The following TSEN54 variants were observed in gnomAD, a reference collection of about 807,000 sequenced individuals.
TSEN54 encodes the protein tRNA-splicing endonuclease subunit Sen54.
In TSEN54, 55 loss-of-function variants were observed where a neutral mutation model predicts 61.9. That is an observed-to-expected ratio of 0.89 (90% CI 0.72 to 1.11). The LOEUF (loss-of-function observed/expected upper bound fraction) is 1.11. Ranked by LOEUF, TSEN54 falls within the 50% of genes most tolerant of loss-of-function variation. The probability of loss-of-function intolerance (pLI) is 0.00; values close to 1 mark genes in which losing one functional copy is unlikely to be tolerated. For missense variants in TSEN54, 760 were observed against 687.7 expected, an observed-to-expected ratio of 1.11 and a Z score of -1.18; for synonymous variants, 304 against 288.7, an observed-to-expected ratio of 1.05 and a Z score of -0.54.
rs766608074 is a variant in TSEN54 at position 75,522,025 on chromosome 17, T to G, written c.944T>G (p.Leu315Arg). 2 of 1,595,592 alleles carry G rather than the reference T, an allele frequency of 1.3e-6. No homozygotes were observed. Among genetic ancestry groups the G allele is most frequent in the Non-Finnish European group, 1.7e-6 (2 of 1,171,932 alleles). Residue 315 changes from leucine (L) to arginine (R), a missense_variant, in exon 8 of 11, where the codon CTG (leucine) becomes CGG (arginine). By Grantham distance (102) the Leu-to-Arg change is moderately radical. Transcript: ENST00000333213. The stretch of plus-strand genomic sequence containing the variant: ...GCTTCAGACAGCCGCCACACCCTTC[T>G]GCGCGCCCCAGCCCCAGAGCTGCTC... ...NMASDSRHTL[L>R]RAPAPELLPA...
intron 9 of TSEN54, 127 bp from the exon 10 acceptor site, chr17:75,523,536 A>C (rs1038588043): frequency 2.5e-6 from 4 of 1,609,092 alleles, no homozygotes; most frequent in Admixed American, 1.7e-5. Context: ...AAGGGTTCAG[A>C]GCCCCCAACC....
rs377197296 is a variant in TSEN54 at position 75,524,311 on chromosome 17, C to T, written c.1480C>T (p.Gln494Ter). The change falls in exon 11 of 11, where the codon CAG becomes TAG. Residue 494 changes from glutamine to a stop codon, truncating the protein, a stop_gained. Transcript: ENST00000333213. LOFTEE classifies it high-confidence loss of function. Reference protein sequence around the residue: ...DLCSLKRLSYQSGDVPLIFAL... With the variant: ...DLCSLKRLSY ...CTGCAGCCTCAAGCGGTTGTCTTAC[C>T]AGAGTGGGGATGTCCCTCTGATCTT... is the stretch of plus-strand genomic sequence containing the variant. 1 of 1,614,198 alleles carries T rather than the reference C, an allele frequency of 6.2e-7. No individual in the cohort carries two copies.
chr17:75,517,104 C>CGCA, intron 3 of TSEN54, 32 bp downstream of exon 3: 4 of 1,443,400 alleles, frequency 2.8e-6, no homozygotes, highest in Middle Eastern at 3.7e-4. Context: ...CGGGGACCGC[C>CGCA]CTCCCTGCCC....
Position 75,516,756 on chromosome 17 carries a change from C to G in TSEN54, c.67C>G (p.Leu23Val). 6.4e-7 allele frequency: 1 copy of G among 1,573,630 alleles called. No individual in the cohort carries two copies. Among genetic ancestry groups the G allele is most frequent in the Non-Finnish European group, 8.6e-7 (1 of 1,168,464 alleles). Residue 23 changes from leucine (L) to valine (V), a missense_variant, in exon 2 of 11, where the codon CTC becomes GTC. Physicochemically the swap from Leu to Val is conservative, Grantham distance 32 (BLOSUM62 1). This residue lies in a region of TSEN54 where 667 missense variants were observed against 577.8 expected (regional missense o/e 1.15). Transcript: ENST00000333213. ...CCCCTTCTCCCCCAGCGCCCGGGAG[C>G]TCTTCGCCGCCCGCTCGCGGTCGCA... ...PAGRVLSARE[L>V]FAARSRSQKL...
intron 8 of TSEN54, chr17:75,522,543 G>T (rs1482671504): frequency 6.9e-6 from 10 of 1,441,600 alleles, no homozygotes; most frequent in Non-Finnish European, 9.1e-6. Flanking sequence ...GAGGTAAGGA[G>T]GGGTGGAAAC....
intron 8 of TSEN54, 41 bp from the exon 9 acceptor site, chr17:75,523,234 T>G (rs376728577): frequency 6.2e-7 from 1 of 1,613,800 alleles, no homozygotes; most frequent in African/African-American, 1.3e-5. Context: ...CTGAGAAATG[T>G]GACTCCCCTC....
chr17:75,523,192 C>G (rs1215271031), intron 8 of TSEN54, 83 bp from the exon 9 acceptor site: 4 of 1,597,588 alleles, frequency 2.5e-6, no homozygotes, highest in African/African-American at 1.3e-5. Context: ...AAAAAAGTTG[C>G]TAAATCTGGC....
rs1471836057 is a variant in TSEN54 at position 75,524,678 on chromosome 17, C to T, written c.*266C>T. The T allele has an allele frequency of 5.3e-6, 3 of 562,984 alleles. No individual in the cohort carries two copies. The highest frequency in any genetic ancestry group is 3.2e-5 in the East Asian group (1 of 31,500). 34.9% of individuals were successfully genotyped at this position (562,984 alleles called of 1,614,324 possible). A position where few individuals can be genotyped will look rare whatever the true frequency, so the allele number is the denominator to read the frequency against. On this transcript the variant is annotated 3_prime_UTR_variant, in exon 11 of 11. Transcript: ENST00000333213. ...AGAAGAGAGGACTGTGTGCCTTTAA[C>T]GAGAGGGTGCCTGCTTCGTGCTATA... is the stretch of plus-strand genomic sequence containing the variant.
At chr17:75,518,841 A>G (rs1169417717) in intron 5 of TSEN54, 154 bp from the exon 6 acceptor site, 1 of 985,244 alleles carries the variant, frequency 1.0e-6, no homozygotes, top group Admixed American at 6.2e-5. Flanking sequence ...TGGTGTTCGT[A>G]ATGAAGCATG....
At chr17:75,517,987 G>C (rs770849822) in intron 5 of TSEN54, among the ~76,000 whole-genome samples, 5 of 152,168 alleles carry the variant, frequency 3.3e-5, no homozygotes, top group Non-Finnish European at 7.3e-5. Flanking sequence ...AGAAAGAATG[G>C]ATAGGACTGC....
intron 8 of TSEN54, chr17:75,522,625 A>G (rs2053440959): frequency 1.2e-5 from 13 of 1,109,856 alleles, no homozygotes; most frequent in Non-Finnish European, 1.2e-5. Context: ...TGTGATCCCA[A>G]CCTGTTAGAT....
At chr17:75,524,064 G>T (rs182567823) in intron 10 of TSEN54, among the ~76,000 whole-genome samples, 198 bp from the exon 11 acceptor site, 205 of 152,302 alleles carry the variant, frequency 1.3e-3, no homozygotes, top group Non-Finnish European at 5.1e-4. Flanking sequence ...GCTAAGAGTG[G>T]TGAGCACCTT....
At chr17:75,523,582 C>G in intron 9 of TSEN54, 81 bp from the exon 10 acceptor site, 1 of 1,613,586 alleles carries the variant, frequency 6.2e-7, no homozygotes, top group Non-Finnish European at 8.5e-7. Flanking sequence ...CTTCCTGGAA[C>G]TGGTGGAGGG....
chr17:75,524,221 G>A, intron 10 of TSEN54, 41 bp from the exon 11 acceptor site: 1 of 1,613,698 alleles, frequency 6.2e-7, no homozygotes, highest in Non-Finnish European at 8.5e-7. Context: ...GCTTAGGAGT[G>A]GGCTATGGCT....
At chr17:75,520,969 AAG>A (rs1205343048) in intron 6 of TSEN54, among the ~76,000 whole-genome samples, 4 of 152,164 alleles carry the variant, frequency 2.6e-5, no homozygotes, top group African/African-American at 4.8e-5. Context: ...AAAAAAAAAA[AAG>A]AAAAAGGAAA....
chr17:75,523,261 C>CT lies in TSEN54; in HGVS notation c.1253-13dup, dbSNP rs1295327312. On this transcript the variant is annotated splice_polypyrimidine_tract_variant and intron_variant, in intron 8 of 10. Coordinates refer to ENST00000333213, the MANE Select transcript of TSEN54 (RefSeq NM_207346.3). ...ACTCCCCTCCCCAGTACCTTGTTTT[C>CT]TGTGTCCTTGTAGCCGTGGTCCTTC... 9 of 1,613,980 alleles carry CT rather than the reference C, an allele frequency of 5.6e-6. No individual in the cohort carries two copies. The highest frequency in any genetic ancestry group is 7.6e-6 in the Non-Finnish European group (9 of 1,180,006).
rs748131735 is a variant in TSEN54 at position 75,524,259 on chromosome 17, C to A, written c.1431-3C>A. The stretch of plus-strand genomic sequence containing the variant: ...GTCTCACTCTAACCCTTTGTCCCTG[C>A]AGATTTGATGAGCCTGTCCCAGACC... On this transcript the variant is annotated splice_region_variant and splice_polypyrimidine_tract_variant and intron_variant, in intron 10 of 10. Coordinates refer to ENST00000333213, the MANE Select transcript of TSEN54 (RefSeq NM_207346.3). 6.2e-7 allele frequency: 1 copy of A among 1,614,040 alleles called. No individual in the cohort carries two copies. The highest frequency in any genetic ancestry group is 8.5e-7 in the Non-Finnish European group (1 of 1,180,028).
intron 8 of TSEN54, 71 bp downstream of exon 8, chr17:75,522,404 A>G: frequency 6.5e-7 from 1 of 1,535,750 alleles, no homozygotes. Flanking sequence ...TGGAAAGGGC[A>G]TGGATGAACT....
chr17:75,523,634 T>C (rs1291754753), intron 9 of TSEN54, 29 bp from the exon 10 acceptor site: 1 of 1,614,074 alleles, frequency 6.2e-7, no homozygotes, highest in Admixed American at 1.7e-5. Context: ...GAAGAGTTCA[T>C]GTCATAACGT....
Sources: gnomAD v4.1 joint callset for allele counts (sites outside exome capture counted in the v4.1 genomes callset) on GRCh38, gnomAD v4.1.1 for gene constraint, gnomAD v4.1.1 regional missense constraint, MANE v1.5 for transcripts, NCBI Gene and HGNC (gene_info 2026-07-23, HGNC 2026-07-21) for gene names.